PTPRT: variants seen among roughly 807,000 people sequenced by gnomAD.
PTPRT encodes the protein protein tyrosine phosphatase receptor type T.
PTPRT carries 56 observed loss-of-function variants against 176.8 expected under a neutral mutation model. That is an observed-to-expected ratio of 0.32 (90% CI 0.26 to 0.40). PTPRT has a LOEUF of 0.40. Ranked by LOEUF, PTPRT falls within the 10% of genes least tolerant of loss-of-function variation. The probability of loss-of-function intolerance (pLI) is 1.00; values close to 1 mark genes in which losing one functional copy is unlikely to be tolerated. For missense variants in PTPRT, 1,540 were observed against 1,908.2 expected (o/e 0.81, Z 3.60); for synonymous variants, 783 against 739.0 (o/e 1.06, Z -0.96).
chr20:43,005,438 A>G (rs1441687659), intron 1 of PTPRT, among the ~76,000 whole-genome samples: 1 of 152,142 alleles, frequency 6.6e-6, no homozygotes, highest in Non-Finnish European at 1.5e-5. Context: ...TCTTCAGAAC[A>G]GGCTTTTCTG....
intron 22 of PTPRT, among the ~76,000 whole-genome samples, chr20:42,114,442 T>C (rs1319673815): frequency 1.3e-5 from 2 of 152,244 alleles, no homozygotes; most frequent in Non-Finnish European, 1.5e-5. Flanking sequence ...ATAGCAATTA[T>C]TATGTAACAT....
chr20:42,191,921 A>C (rs1991018167), intron 16 of PTPRT, among the ~76,000 whole-genome samples: 2 of 152,048 alleles, frequency 1.3e-5, no homozygotes, highest in Non-Finnish European at 2.9e-5. Context: ...GTACTCAATG[A>C]GTATCTGATG....
At chr20:42,459,244 T>C (rs928791721) in intron 8 of PTPRT, among the ~76,000 whole-genome samples, 2 of 152,178 alleles carry the variant, frequency 1.3e-5, no homozygotes, top group Non-Finnish European at 2.9e-5. Context: ...TGAATTTGCA[T>C]AGTGAGGCAC....
intron 1 of PTPRT, among the ~76,000 whole-genome samples, chr20:43,129,933 G>A (rs764539716): frequency 3.9e-5 from 6 of 152,206 alleles, no homozygotes; most frequent in South Asian, 2.1e-4. Flanking sequence ...AGTTCTTTTC[G>A]GGAGATTTTG....
chr20:42,696,362 C>T (rs754005119), intron 6 of PTPRT, among the ~76,000 whole-genome samples: 39 of 149,352 alleles, frequency 2.6e-4, no homozygotes, highest in Non-Finnish European at 4.9e-4. Context: ...TTCTCTGTTT[C>T]CTCTCTCTGC....
intron 17 of PTPRT, among the ~76,000 whole-genome samples, chr20:42,158,562 A>G (rs985849062): frequency 5.9e-5 from 9 of 152,202 alleles, no homozygotes; most frequent in African/African-American, 2.2e-4. Flanking sequence ...TTTTATCTGC[A>G]ATAGGACAAT....
chr20:43,014,457 C>G (rs775432547), intron 1 of PTPRT, among the ~76,000 whole-genome samples: 1 of 152,134 alleles, frequency 6.6e-6, no homozygotes, highest in Non-Finnish European at 1.5e-5. Flanking sequence ...AAATGGGTAC[C>G]AAGGGACAGG....
chr20:43,178,742 C>A lies in PTPRT; in HGVS notation c.88+10904G>T, dbSNP rs143583354. Among the ~76,000 whole-genome samples the A allele has an allele frequency of 1.0e-3, 159 of 152,292 alleles. No homozygotes were observed. In the Middle Eastern group the frequency reaches 0.014, roughly 13 times the overall value. On this transcript the variant is annotated intron_variant, in intron 1 of 30. Coordinates refer to ENST00000373187, the MANE Select transcript of PTPRT (RefSeq NM_007050.6). ...AGACACCTAGAACATGGTACCCCCA[C>A]CTCCCTCACACCCAACCTTGCACTG...
chr20:43,094,454 A>G (rs1182091051), intron 1 of PTPRT, among the ~76,000 whole-genome samples: 6 of 117,384 alleles, frequency 5.1e-5, no homozygotes, highest in African/African-American at 1.0e-4. Context: ...GCTGGAGTGT[A>G]ATAGCATGAT....
At chr20:42,429,871 C>G (rs1026998081) in intron 9 of PTPRT, among the ~76,000 whole-genome samples, 45 of 152,096 alleles carry the variant, frequency 3.0e-4, no homozygotes, top group Non-Finnish European at 1.0e-4. Context: ...GAAAAGATAG[C>G]AAGGGGAGTG....
At chr20:42,086,751 A>ATAT (rs58059394) in intron 27 of PTPRT, among the ~76,000 whole-genome samples, 5 of 96,594 alleles carry the variant, frequency 5.2e-5, no homozygotes. Flanking sequence ...AAAAAAAAAA[A>ATAT]AAATATATAT....
chr20:42,763,490 T>G (rs1319061398), intron 5 of PTPRT, among the ~76,000 whole-genome samples: 1 of 152,170 alleles, frequency 6.6e-6, no homozygotes, highest in South Asian at 2.1e-4. Flanking sequence ...GATAAAAATA[T>G]AAAAATAAAA....
intron 11 of PTPRT, among the ~76,000 whole-genome samples, chr20:42,332,606 G>C (rs541557282): frequency 5.5e-4 from 84 of 152,138 alleles, no homozygotes; most frequent in African/African-American, 2.0e-3. Context: ...AATGACTAAC[G>C]AACTGTGGTC....
chr20:42,431,395 T>C (rs61434853), intron 9 of PTPRT, among the ~76,000 whole-genome samples: 1 of 152,236 alleles, frequency 6.6e-6, no homozygotes, highest in African/African-American at 2.4e-5. Context: ...ATAAGAAAAT[T>C]ACGGTATATA....
chr20:42,323,667 C>T (rs182235975), intron 11 of PTPRT, among the ~76,000 whole-genome samples: 9 of 151,806 alleles, frequency 5.9e-5, no homozygotes, highest in Non-Finnish European at 8.8e-5. Flanking sequence ...TGCTAAATGA[C>T]GAGTTAATGG....
At chr20:42,991,996 T>C (rs1275581280) in intron 1 of PTPRT, among the ~76,000 whole-genome samples, 1 of 152,186 alleles carries the variant, frequency 6.6e-6, no homozygotes, top group Non-Finnish European at 1.5e-5. Flanking sequence ...GAGATGAGAA[T>C]AGAAACAAAA....
intron 7 of PTPRT, among the ~76,000 whole-genome samples, chr20:42,543,760 C>G (rs2072624139): frequency 6.6e-6 from 1 of 152,094 alleles, no homozygotes; most frequent in African/African-American, 2.4e-5. Flanking sequence ...AAAATGACTT[C>G]TTGATCCATG....
intron 7 of PTPRT, among the ~76,000 whole-genome samples, chr20:42,649,102 A>G (rs2074980024): frequency 2.0e-5 from 3 of 152,048 alleles, no homozygotes; most frequent in African/African-American, 7.3e-5. Flanking sequence ...TACAGGCCTG[A>G]GCCACTGTGC....
chr20:43,131,513 T>C (rs925516032), intron 1 of PTPRT, among the ~76,000 whole-genome samples: 2 of 152,252 alleles, frequency 1.3e-5, no homozygotes, highest in Non-Finnish European at 2.9e-5. Context: ...AAACAGAATT[T>C]TCCTCGACCA....
Sources: gnomAD v4.1 joint callset for allele counts (sites outside exome capture counted in the v4.1 genomes callset) on GRCh38, gnomAD v4.1.1 for gene constraint, MANE v1.5 for transcripts, NCBI Gene and HGNC (gene_info 2026-07-23, HGNC 2026-07-21) for gene names.